The following MLPH variants were observed in gnomAD, a reference collection of about 807,000 sequenced individuals.
MLPH encodes the protein melanophilin, also known as exophilin-3.
Under a neutral mutation model 72.1 loss-of-function variants are expected in MLPH, and 51 were observed. The ratio of observed to expected loss-of-function variants is 0.71; its 90% confidence interval spans 0.56 to 0.89. MLPH has a LOEUF of 0.89. Among genes scored for constraint, MLPH ranks in the 40% least tolerant of loss-of-function variants. The probability of loss-of-function intolerance (pLI) is 0.00; values close to 1 mark genes in which losing one functional copy is unlikely to be tolerated. For synonymous variants in MLPH, 301 were observed against 310.1 expected, an observed-to-expected ratio of 0.97 and a Z score of 0.31; for missense variants, 743 against 759.9, an observed-to-expected ratio of 0.98 and a Z score of 0.26.
rs754938665 is a variant in MLPH at position 237,510,955 on chromosome 2, A to G, written c.333-34A>G. ...TTATGCAGGCCTGTGTACAGCACTC[A>G]GGCAGTGCCATGAGCCTGTGCTTGT... On this transcript the variant is annotated intron_variant, in intron 3 of 15. Transcript: ENST00000264605. This position sits in a 1 kb window ranked among gnomAD's most constrained non-coding sequence, Gnocchi z 4.4. 6.3e-7 allele frequency: 1 copy of G among 1,582,582 alleles called. No individual in the cohort carries two copies. Among genetic ancestry groups the G allele is most frequent in the East Asian group, 2.2e-5 (1 of 44,624 alleles).
chr2:237,549,196 C>A, intron 13 of MLPH, 25 bp from the exon 14 acceptor site: 1 of 1,610,740 alleles, frequency 6.2e-7, no homozygotes. Context: ...CTTGATGAAG[C>A]CTGGAGACAC....
intron 4 of MLPH, among the ~76,000 whole-genome samples, chr2:237,511,863 G>C (rs1190008481): frequency 6.6e-6 from 1 of 152,218 alleles, no homozygotes; most frequent in East Asian, 1.9e-4. Context: ...TCTTTTCAGG[G>C]AGAGGGTGGG....
At chr2:237,500,744 G>A (rs896592289) in intron 2 of MLPH, among the ~76,000 whole-genome samples, 36 of 151,906 alleles carry the variant, frequency 2.4e-4, no homozygotes, top group Non-Finnish European at 7.4e-5. Flanking sequence ...AAGTTCCCAG[G>A]ACTCATGGCT....
At position 237,487,421 on chromosome 2, in the gene MLPH, C is replaced by T. The variant is rs916771414; in HGVS notation, c.-41C>T. ...AGGTGCTGGACCAGGGACTGAGCGT[C>T]CCCCGGAGAGGGTCCGGTGAGTGCA... On this transcript the variant is annotated 5_prime_UTR_variant, in exon 1 of 16. Coordinates refer to ENST00000264605, the MANE Select transcript of MLPH (RefSeq NM_024101.7). The T allele has an allele frequency of 2.6e-5, 4 of 152,600 alleles. No homozygotes were observed. Among genetic ancestry groups the T allele is most frequent in the Non-Finnish European group, 4.4e-5 (3 of 68,332 alleles). The allele number at this position is 152,600 out of a possible 1,614,324, so 9.5% of individuals were successfully genotyped here. A position where few individuals can be genotyped will look rare whatever the true frequency, so the allele number is the denominator to read the frequency against.
chr2:237,489,192 A>G (rs1384157840), intron 1 of MLPH, among the ~76,000 whole-genome samples: 1 of 152,200 alleles, frequency 6.6e-6, no homozygotes, highest in African/African-American at 2.4e-5. Flanking sequence ...CTCACCTGGG[A>G]CCCATCCTTG....
rs149064335 is a variant in MLPH at position 237,511,073 on chromosome 2, G to A, written c.417G>A (p.Arg139=). ...GGTTCGGAAGTGCCAAGGTCATCCG[G>A]TCCCTCCACGGGCGGCTGCAGGGTG... ...FKRFGSAKVI[R]SLHGRLQGGA... is the part of the protein sequence containing the mutation. Residue 139 remains arginine, a synonymous_variant, in exon 4 of 16, where the codon CGG becomes CGA. Transcript: ENST00000264605. 9 of 1,613,928 alleles carry A rather than the reference G, an allele frequency of 5.6e-6. No homozygotes were observed. Among genetic ancestry groups the A allele is most frequent in the Non-Finnish European group, 7.6e-6 (9 of 1,179,958 alleles).
intron 8 of MLPH, 71 bp downstream of exon 8, chr2:237,527,587 C>A: frequency 6.3e-7 from 1 of 1,587,968 alleles, no homozygotes; most frequent in South Asian, 1.1e-5. Flanking sequence ...CACACCAAGT[C>A]ACTTTAGAGA....
chr2:237,524,104 TG>T (rs1199279035), intron 6 of MLPH, among the ~76,000 whole-genome samples: 1 of 151,894 alleles, frequency 6.6e-6, no homozygotes, highest in Non-Finnish European at 1.5e-5. Flanking sequence ...CTGAGGCTAT[TG>T]GGTCAAATCC....
intron 2 of MLPH, among the ~76,000 whole-genome samples, chr2:237,494,490 G>A (rs1296128168): frequency 6.6e-6 from 1 of 152,134 alleles, no homozygotes; most frequent in African/African-American, 2.4e-5. Flanking sequence ...ACAGACCTTC[G>A]AGCAGAGCAA....
Position 237,518,498 on chromosome 2 carries a change from CTGTT to C in MLPH, c.446-37_446-34del, listed in dbSNP as rs1169208553. ...GGCTGACAAATGGCTTGTTCCCAGA[CTGTT>C]TGTCCTTGGGTGGAGTCATGCAGGT... On this transcript the variant is annotated intron_variant, in intron 4 of 15. Transcript: ENST00000264605. 3.3e-6 allele frequency: 5 copies of C among 1,528,970 alleles called. No individual in the cohort carries two copies. In the South Asian group the frequency reaches 5.8e-5, roughly 18 times the overall value. 94.7% of individuals were successfully genotyped at this position (1,528,970 alleles called of 1,614,324 possible).
intron 2 of MLPH, among the ~76,000 whole-genome samples, chr2:237,500,560 C>T (rs1559337069): frequency 6.6e-6 from 1 of 152,242 alleles, no homozygotes; most frequent in Admixed American, 6.5e-5. Flanking sequence ...TTTACACCCA[C>T]ATCAGAGACA....
intron 4 of MLPH, among the ~76,000 whole-genome samples, chr2:237,513,025 C>T (rs532015492): frequency 1.3e-5 from 2 of 152,122 alleles, no homozygotes; most frequent in South Asian, 4.2e-4. Context: ...CTGCATTCCT[C>T]CCTGCTGGAC....
intron 2 of MLPH, among the ~76,000 whole-genome samples, chr2:237,494,808 C>T (rs1040552379): frequency 6.6e-6 from 1 of 152,174 alleles, no homozygotes; most frequent in African/African-American, 2.4e-5. Flanking sequence ...AGATGCGTTA[C>T]GAGAGCTTCG....
intron 9 of MLPH, among the ~76,000 whole-genome samples, chr2:237,539,403 G>T (rs938677953): frequency 6.6e-6 from 1 of 152,252 alleles, no homozygotes; most frequent in Non-Finnish European, 1.5e-5. Flanking sequence ...CTTGGCCTAA[G>T]CGAGCTTTAA....
rs768425411 is a variant in MLPH at position 237,510,797 on chromosome 2, T to A, written c.332+2T>A. 3 of 1,613,200 alleles carry A rather than the reference T, an allele frequency of 1.9e-6. No homozygotes were observed. Among genetic ancestry groups the A allele is most frequent in the Non-Finnish European group, 2.5e-6 (3 of 1,179,976 alleles). On this transcript the variant is annotated splice_donor_variant, in intron 3 of 15. Coordinates refer to ENST00000264605, the MANE Select transcript of MLPH (RefSeq NM_024101.7). LOFTEE classifies it high-confidence loss of function. The surrounding 1 kb of genome is among the most constrained non-coding windows in gnomAD (Gnocchi z 4.4). The stretch of plus-strand genomic sequence containing the variant: ...CTGTGACCCCTGCCATCTGGCCAGG[T>A]GAGCCCAGGCCTTGAGGTAAAATGA...
intron 13 of MLPH, among the ~76,000 whole-genome samples, chr2:237,547,229 C>T (rs1201594933): frequency 2.6e-5 from 4 of 152,244 alleles, no homozygotes; most frequent in African/African-American, 9.6e-5. Context: ...TGAAAACACT[C>T]AGGAGCCAGT....
chr2:237,540,600 G>A (rs1202974416), intron 10 of MLPH, 67 bp downstream of exon 10: 3 of 1,555,510 alleles, frequency 1.9e-6, no homozygotes, highest in Non-Finnish European at 2.6e-6. Flanking sequence ...GACAGTCCCA[G>A]CTGGCAGCCA....
upstream of MLPH, chr2:237,487,208 G>A (rs1222823187): frequency 1.3e-5 from 2 of 152,268 alleles, no homozygotes; most frequent in Non-Finnish European, 2.9e-5. Context: ...GCGGAGCGGG[G>A]CGCAGCCCAC....
At position 237,525,599 on chromosome 2, in the gene MLPH, AGT is replaced by A. The variant is rs1188017612; in HGVS notation, c.676-1_676del. The A allele has an allele frequency of 6.2e-7, 1 of 1,613,950 alleles. No individual in the cohort carries two copies. The highest frequency in any genetic ancestry group is 2.2e-5 in the East Asian group (1 of 44,884). ...AGGAGGCTGACAGCCCCATGTGCTT[AGT>A]CCCTCACAGATGAGTCCTGCTCAGA... On this transcript the variant is annotated splice_acceptor_variant and coding_sequence_variant, in exon 7 of 16. Transcript: ENST00000264605. LOFTEE classifies it high-confidence loss of function.
Sources: gnomAD v4.1 joint callset for allele counts (sites outside exome capture counted in the v4.1 genomes callset) on GRCh38, gnomAD v4.1.1 for gene constraint, Gnocchi (gnomAD v3.1) non-coding constraint, MANE v1.5 for transcripts, NCBI Gene and HGNC (gene_info 2026-07-23, HGNC 2026-07-21) for gene names.